Variants in CLVS1 observed in about 807,000 individuals in gnomAD.
CLVS1 encodes clavesin-1.
In CLVS1, 10 loss-of-function variants were observed where a neutral mutation model predicts 33.1. The observed-to-expected ratio is 0.30, with a 90% CI of 0.19 to 0.51. CLVS1 has a LOEUF of 0.51. CLVS1 is among the 20% of genes least tolerant of loss of function. CLVS1 has a pLI of 0.97. For missense variants in CLVS1, 343 were observed against 433.4 expected (o/e 0.79, Z 1.85); for synonymous variants, 163 against 166.1 (o/e 0.98, Z 0.14).
At chr8:61,481,958 G>A (rs1037160575) in intron 5 of CLVS1, among the ~76,000 whole-genome samples, 4 of 152,174 alleles carry the variant, frequency 2.6e-5, no homozygotes, top group Non-Finnish European at 4.4e-5. Flanking sequence ...AGTAGGGGCC[G>A]ACTGACACCT....
intron 2 of CLVS1, among the ~76,000 whole-genome samples, chr8:61,306,234 T>A (rs1810622046): frequency 6.6e-6 from 1 of 152,242 alleles, no homozygotes; most frequent in Admixed American, 6.5e-5. Context: ...CCATTCTGAC[T>A]GGTATGAGAT....
chr8:61,429,278 G>A (rs1283693489), intron 3 of CLVS1, among the ~76,000 whole-genome samples: 1 of 151,988 alleles, frequency 6.6e-6, no homozygotes, highest in Non-Finnish European at 1.5e-5. Flanking sequence ...AAATTAGCTG[G>A]GCGTGGTTGC....
At chr8:60,988,389 C>T in the CLVS1 span, among the ~76,000 whole-genome samples, 1 of 152,100 alleles carries the variant, frequency 6.6e-6, no homozygotes, top group South Asian at 2.1e-4. Context: ...CTCCAGCTCC[C>T]AGACAACCTG....
At chr8:61,117,937 A>G (rs1176043693) in intron 1 of CLVS1, among the ~76,000 whole-genome samples, 5 of 152,190 alleles carry the variant, frequency 3.3e-5, no homozygotes, top group African/African-American at 1.2e-4. Context: ...GAATAGTTTC[A>G]GAAGGAATGG....
the CLVS1 span, among the ~76,000 whole-genome samples, chr8:61,029,370 GAGA>G: frequency 6.6e-6 from 1 of 152,302 alleles, no homozygotes; most frequent in Admixed American, 6.5e-5. Flanking sequence ...TCAACTGTGG[GAGA>G]AGAACAGAGG....
chr8:61,313,586 C>T (rs964789024), intron 2 of CLVS1, among the ~76,000 whole-genome samples: 2 of 152,162 alleles, frequency 1.3e-5, no homozygotes, highest in Non-Finnish European at 2.9e-5. Context: ...TACACTTTCT[C>T]GTGCTTCCTG....
chr8:61,376,537 C>G, intron 2 of CLVS1, 68 bp from the exon 3 acceptor site: 14 of 1,479,404 alleles, frequency 9.5e-6, no homozygotes, highest in Non-Finnish European at 1.3e-5. Context: ...GAGGCCAGCA[C>G]TGTTGCACGC....
At chr8:61,436,292 CA>C (rs1816328417) in intron 3 of CLVS1, among the ~76,000 whole-genome samples, 1 of 152,212 alleles carries the variant, frequency 6.6e-6, no homozygotes, top group African/African-American at 2.4e-5. Context: ...CTCTGAATAC[CA>C]CATGCCTCTT....
At chr8:61,394,663 A>G (rs1814446289) in intron 3 of CLVS1, among the ~76,000 whole-genome samples, 1 of 152,154 alleles carries the variant, frequency 6.6e-6, no homozygotes, top group Non-Finnish European at 1.5e-5. Flanking sequence ...CAGCGAGGTC[A>G]GTTTCACTCC....
chr8:61,442,574 G>A (rs1235199946), intron 3 of CLVS1, among the ~76,000 whole-genome samples: 2 of 152,134 alleles, frequency 1.3e-5, no homozygotes, highest in Non-Finnish European at 1.5e-5. Context: ...GAGCAATCCA[G>A]CTTGTCCACA....
At chr8:61,333,399 G>A (rs1811672137) in intron 2 of CLVS1, among the ~76,000 whole-genome samples, 1 of 152,106 alleles carries the variant, frequency 6.6e-6, no homozygotes, top group African/African-American at 2.4e-5. Flanking sequence ...TTCAAGAATA[G>A]TAGAGGATGT....
intron 1 of CLVS1, among the ~76,000 whole-genome samples, chr8:61,093,034 C>T (rs1805279417): frequency 6.6e-6 from 1 of 152,126 alleles, no homozygotes; most frequent in Non-Finnish European, 1.5e-5. Flanking sequence ...GGGAAGGGCT[C>T]AGTAGGTAAA....
chr8:61,095,610 G>T (rs1295910636), intron 1 of CLVS1, among the ~76,000 whole-genome samples: 3 of 152,112 alleles, frequency 2.0e-5, no homozygotes, highest in Non-Finnish European at 4.4e-5. Context: ...AAGCTTGCCC[G>T]AGAGGATCTT....
chr8:61,290,728 T>C (rs894709862), intron 1 of CLVS1, among the ~76,000 whole-genome samples: 5 of 152,308 alleles, frequency 3.3e-5, no homozygotes. Flanking sequence ...TGTTACACAG[T>C]GACTTAGACA....
chr8:61,020,354 C>T, the CLVS1 span, among the ~76,000 whole-genome samples: 1 of 152,196 alleles, frequency 6.6e-6, no homozygotes, highest in African/African-American at 2.4e-5. Flanking sequence ...TTCTGTCAAA[C>T]ATGAGATTGT....
intron 1 of CLVS1, among the ~76,000 whole-genome samples, chr8:61,062,399 G>A (rs1049563636): frequency 6.6e-6 from 1 of 152,200 alleles, no homozygotes; most frequent in Non-Finnish European, 1.5e-5. Flanking sequence ...AGGAGCAAAG[G>A]CAGTTTGCCA....
At chr8:61,103,469 AG>A (rs1805485046) in intron 1 of CLVS1, among the ~76,000 whole-genome samples, 1 of 152,226 alleles carries the variant, frequency 6.6e-6, no homozygotes, top group Admixed American at 6.5e-5. Flanking sequence ...GAATCTTCAG[AG>A]GTTTTGGGGT....
chr8:61,177,128 G>A (rs1807128543), intron 2 of CLVS1, among the ~76,000 whole-genome samples: 1 of 152,224 alleles, frequency 6.6e-6, no homozygotes, highest in Non-Finnish European at 1.5e-5. Context: ...ATGGCTCCAG[G>A]CAACACTTTT....
intron 4 of CLVS1, among the ~76,000 whole-genome samples, chr8:61,454,923 G>C (rs1460344438): frequency 1.3e-5 from 2 of 152,072 alleles, no homozygotes; most frequent in Non-Finnish European, 2.9e-5. Flanking sequence ...CAGAGTTGTT[G>C]GGGAAATCTA....
Sources: allele counts gnomAD v4.1 joint callset (sites outside exome capture counted in the v4.1 genomes callset), GRCh38; gene constraint gnomAD v4.1.1; transcripts MANE v1.5; gene names NCBI Gene and HGNC (gene_info 2026-07-23, HGNC 2026-07-21).